The following OLFML2A variants were observed in gnomAD, a reference collection of about 807,000 sequenced individuals.
The protein encoded by OLFML2A is olfactomedin-like protein 2A.
A neutral mutation model predicts 60.9 loss-of-function variants in OLFML2A; 47 were observed. The ratio of observed to expected loss-of-function variants is 0.77; its 90% confidence interval spans 0.61 to 0.98. The LOEUF is 0.98. OLFML2A is among the 50% of genes least tolerant of loss of function. The pLI is 0.00. For missense variants in OLFML2A, 922 were observed against 879.8 expected, an observed-to-expected ratio of 1.05 and a Z score of -0.61; for synonymous variants, 372 against 375.0, an observed-to-expected ratio of 0.99 and a Z score of 0.09.
chr9:124,787,522 T>TTTA (rs1841498270), intron 2 of OLFML2A, among the ~76,000 whole-genome samples: 1 of 137,756 alleles, frequency 7.3e-6, no homozygotes, highest in Non-Finnish European at 1.6e-5. Flanking sequence ...CAGTGGGTTG[T>TTTA]TTTTATTTTA....
Position 124,783,986 on chromosome 9 carries a change from T to C in OLFML2A, c.91-2989T>C, listed in dbSNP as rs534327847. Among the ~76,000 whole-genome samples, 7 of 152,156 alleles carry C rather than the reference T, an allele frequency of 4.6e-5. No individual in the cohort carries two copies. In the East Asian group the frequency reaches 9.7e-4, roughly 21 times the overall value. On this transcript the variant is annotated intron_variant, in intron 1 of 7. Coordinates refer to ENST00000373580, the MANE Select transcript of OLFML2A (RefSeq NM_182487.4). ...CAGAGAACTAAGTGATACAAGGAAG[T>C]AAGCCAGGGAAAGATTGGGGGATAG...
At chr9:124,783,243 G>A (rs1187818656) in intron 1 of OLFML2A, among the ~76,000 whole-genome samples, 3 of 152,130 alleles carry the variant, frequency 2.0e-5, no homozygotes, top group Non-Finnish European at 2.9e-5. Flanking sequence ...CGGCCAAGGT[G>A]GGAGGATCAC....
intron 6 of OLFML2A, among the ~76,000 whole-genome samples, chr9:124,804,617 G>C (rs1024369005): frequency 6.6e-6 from 1 of 151,368 alleles, no homozygotes; most frequent in Non-Finnish European, 1.5e-5. Flanking sequence ...CCAGCTACTC[G>C]GGAGGCTGAG....
chr9:124,798,788 T>G (rs1841714723), intron 3 of OLFML2A, among the ~76,000 whole-genome samples: 1 of 151,476 alleles, frequency 6.6e-6, no homozygotes, highest in South Asian at 2.1e-4. Context: ...GGTAAATAAA[T>G]TATGGCCTTT....
At chr9:124,786,797 C>G (rs186565542) in intron 1 of OLFML2A, among the ~76,000 whole-genome samples, 178 bp from the exon 2 acceptor site, 5,588 of 123,752 alleles carry the variant, frequency 0.045, 297 homozygotes, top group African/African-American at 0.13. Flanking sequence ...CACACACACA[C>G]AGAGTTGTTA....
intron 6 of OLFML2A, among the ~76,000 whole-genome samples, chr9:124,805,675 C>T (rs959031710): frequency 6.6e-6 from 1 of 151,938 alleles, no homozygotes; most frequent in African/African-American, 2.4e-5. Flanking sequence ...GTATACTGCT[C>T]AGGTGACTGA....
At position 124,795,006 on chromosome 9, in the gene OLFML2A, T is replaced by G. The variant is rs1841640043; in HGVS notation, c.355-18T>G. On this transcript the variant is annotated intron_variant, in intron 2 of 7. Coordinates refer to ENST00000373580, the MANE Select transcript of OLFML2A (RefSeq NM_182487.4). ...ATGTGCTGCACTCTTTGCCTAACCA[T>G]CCCCCTTCCCCGGGCAGCTGCAGTC... The G allele has an allele frequency of 6.7e-7, 1 of 1,502,376 alleles. No individual in the cohort carries two copies. Among genetic ancestry groups the G allele is most frequent in the African/African-American group, 1.4e-5 (1 of 72,782 alleles). 93.1% of individuals were successfully genotyped at this position (1,502,376 alleles called of 1,614,324 possible).
intron 1 of OLFML2A, among the ~76,000 whole-genome samples, chr9:124,784,928 G>T: frequency 1.0e-5 from 1 of 98,112 alleles, no homozygotes; most frequent in Non-Finnish European, 2.0e-5. Flanking sequence ...AATCAGTACT[G>T]CATTCCTTTT....
At chr9:124,805,478 A>G (rs1448826641) in intron 6 of OLFML2A, among the ~76,000 whole-genome samples, 2 of 152,190 alleles carry the variant, frequency 1.3e-5, no homozygotes, top group Non-Finnish European at 2.9e-5. Context: ...GATGAGAGAA[A>G]TTGCTCAACG....
rs781655307 is a variant in OLFML2A at position 124,810,178 on chromosome 9, C to T, written c.1725C>T (p.Tyr575=). 6.8e-6 allele frequency: 11 copies of T among 1,613,806 alleles called. No individual in the cohort carries two copies. The highest frequency in any genetic ancestry group is 1.7e-5 in the Admixed American group (1 of 60,008). Residue 575 remains tyrosine, a synonymous_variant, in exon 8 of 8, where the codon TAC becomes TAT. Transcript: ENST00000373580. ...AGACACGGCTGCGGCGGAACTCCTA[C>T]GGGAACTGCTTCCTGGTGTGCGGCA... ...TWKTRLRRNS[Y]GNCFLVCGIL...
chr9:124,808,335 C>A (rs933251194), intron 7 of OLFML2A, among the ~76,000 whole-genome samples: 2 of 152,216 alleles, frequency 1.3e-5, no homozygotes, highest in African/African-American at 4.8e-5. Flanking sequence ...TAGCTACATA[C>A]CTCCAGGAGG....
At position 124,777,166 on chromosome 9, in the gene OLFML2A, G is replaced by C. The variant is rs1248529494; in HGVS notation, c.-105G>C. The C allele has an allele frequency of 2.6e-6, 1 of 390,428 alleles. No homozygotes were observed. The highest frequency in any genetic ancestry group is 4.2e-6 in the Non-Finnish European group (1 of 235,328). The allele number at this position is 390,428 out of a possible 1,614,324, so 24.2% of individuals were successfully genotyped here. On this transcript the variant is annotated 5_prime_UTR_variant, in exon 1 of 8. Coordinates refer to ENST00000373580, the MANE Select transcript of OLFML2A (RefSeq NM_182487.4). The surrounding 1 kb of genome is among the most constrained non-coding windows in gnomAD (Gnocchi z 6.2). ...GGGGCTGGCAGCAGGGTGCAGGCGC[G>C]GGGCGCGGGGCAGGCAGAGCGGGCG...
intron 1 of OLFML2A, chr9:124,778,907 C>A: frequency 1.0e-6 from 1 of 980,124 alleles, no homozygotes; most frequent in South Asian, 4.7e-5. Context: ...ACTTCCAATA[C>A]CTCTCCAGCC....
intron 2 of OLFML2A, among the ~76,000 whole-genome samples, chr9:124,791,701 G>T (rs1184293411): frequency 7.4e-6 from 1 of 134,838 alleles, no homozygotes; most frequent in African/African-American, 2.9e-5. Context: ...TCGTGCCATT[G>T]CACTCCAGCC....
rs771601539 is a variant in OLFML2A at position 124,809,825 on chromosome 9, T to G, written c.1372T>G (p.Tyr458Asp). The G allele has an allele frequency of 5.2e-5, 84 of 1,609,410 alleles. No individual in the cohort carries two copies. Among genetic ancestry groups the G allele is most frequent in the Non-Finnish European group, 7.1e-5 (83 of 1,177,052 alleles). Reference sequence around the variant, plus strand: ...GCCTGCAGGCCGCTGGAGTAACATGTACAAGCTACCCTACAACTGGATCGG... The same window carrying G: ...GCCTGCAGGCCGCTGGAGTAACATGGACAAGCTACCCTACAACTGGATCGG... ...NFKQGRWSNM[Y>D]KLPYNWIGTG... Residue 458 changes from tyrosine (Y) to aspartate (D), a missense_variant, in exon 8 of 8, where the codon TAC (tyrosine) becomes GAC (aspartate). Tyr to Asp is a radical substitution (Grantham distance 160). Coordinates refer to ENST00000373580, the MANE Select transcript of OLFML2A (RefSeq NM_182487.4).
intron 1 of OLFML2A, among the ~76,000 whole-genome samples, chr9:124,784,262 G>A (rs1007517534): frequency 3.3e-5 from 5 of 151,642 alleles, no homozygotes; most frequent in Non-Finnish European, 5.9e-5. Flanking sequence ...GGAGTGAAGT[G>A]GCACGATCTT....
At chr9:124,801,162 C>A in intron 4 of OLFML2A, 1 of 1,157,438 alleles carries the variant, frequency 8.6e-7, no homozygotes, top group Non-Finnish European at 1.2e-6. Context: ...AGAAGTGGGA[C>A]AGGAATCTAA....
chr9:124,788,695 C>G (rs533501673), intron 2 of OLFML2A, among the ~76,000 whole-genome samples: 3 of 152,204 alleles, frequency 2.0e-5, no homozygotes, highest in Non-Finnish European at 4.4e-5. Context: ...CAGCCCCAGA[C>G]TAGGGCCCCC....
Position 124,811,918 on chromosome 9 carries a change from C to T in OLFML2A, c.*1506C>T, listed in dbSNP as rs1842028794. 2.0e-5 allele frequency: 3 copies of T among 152,338 alleles called. No individual in the cohort carries two copies. The highest frequency in any genetic ancestry group is 4.4e-5 in the Non-Finnish European group (3 of 68,044). The allele number at this position is 152,338 out of a possible 1,614,324, so 9.4% of individuals were successfully genotyped here. On this transcript the variant is annotated 3_prime_UTR_variant, in exon 8 of 8. Transcript: ENST00000373580. ...TGTCACACTGGGAGCTGGGCACAGC[C>T]GATCTCCTTCCAGAAGGGTTCTGTC...
Sources: allele counts gnomAD v4.1 joint callset (sites outside exome capture counted in the v4.1 genomes callset), GRCh38; gene constraint gnomAD v4.1.1; non-coding constraint Gnocchi (gnomAD v3.1); transcripts MANE v1.5; gene names NCBI Gene and HGNC (gene_info 2026-07-23, HGNC 2026-07-21).